C2orf76: variants seen among roughly 807,000 people sequenced by gnomAD.
C2orf76 encodes the protein UPF0538 protein C2orf76.
In C2orf76, 23 loss-of-function variants were observed where a neutral mutation model predicts 16.9. That is an observed-to-expected ratio of 1.36 (90% CI 0.98 to 1.93). The LOEUF is 1.93. Among genes scored for constraint, C2orf76 ranks in the 30% most tolerant of loss-of-function variants. C2orf76 has a pLI of 0.00. For synonymous variants in C2orf76, 48 were observed against 52.3 expected, an observed-to-expected ratio of 0.92 and a Z score of 0.35; for missense variants, 152 against 152.6, an observed-to-expected ratio of 1.00 and a Z score of 0.02.
intron 4 of C2orf76, among the ~76,000 whole-genome samples, chr2:119,316,440 C>A (rs1201323483): frequency 6.6e-6 from 1 of 152,234 alleles, no homozygotes; most frequent in Non-Finnish European, 1.5e-5. Context: ...GGACTTCTGA[C>A]CTCCAGAATT....
chr2:119,333,796 A>G (rs896012330), intron 2 of C2orf76, among the ~76,000 whole-genome samples: 1 of 152,250 alleles, frequency 6.6e-6, no homozygotes, highest in Admixed American at 6.5e-5. Context: ...ATTATGTAAC[A>G]TTCTGTAAGA....
chr2:119,289,346 C>T, the C2orf76 span, among the ~76,000 whole-genome samples: 5 of 152,064 alleles, frequency 3.3e-5, no homozygotes, highest in Non-Finnish European at 7.4e-5. Context: ...AACCAAGTCT[C>T]CTTGACATCT....
chr2:119,289,544 G>C, the C2orf76 span, among the ~76,000 whole-genome samples: 638 of 151,912 alleles, frequency 4.2e-3, 2 homozygotes, highest in African/African-American at 0.014. Flanking sequence ...AAATTAGCTG[G>C]GCGTGGTGGC....
chr2:119,326,270 T>C (rs932511400), intron 2 of C2orf76, among the ~76,000 whole-genome samples: 17 of 152,188 alleles, frequency 1.1e-4, no homozygotes, highest in Admixed American at 5.9e-4. Context: ...GAGGTAAGCA[T>C]TGAGGTTCAT....
chr2:119,294,940 G>A, the C2orf76 span, among the ~76,000 whole-genome samples: 1 of 152,258 alleles, frequency 6.6e-6, no homozygotes, highest in African/African-American at 2.4e-5. Flanking sequence ...CAGGGAGTGG[G>A]ATAGTGAGAA....
intron 4 of C2orf76, among the ~76,000 whole-genome samples, 169 bp from the exon 5 acceptor site, chr2:119,311,872 G>C (rs754515728): frequency 6.6e-6 from 1 of 152,096 alleles, no homozygotes; most frequent in African/African-American, 2.4e-5. Context: ...AGGTCCTGCC[G>C]AGCTCACGCA....
downstream of C2orf76, among the ~76,000 whole-genome samples, chr2:119,297,507 T>C (rs1198597311): frequency 6.6e-6 from 1 of 152,142 alleles, no homozygotes; most frequent in Non-Finnish European, 1.5e-5. Flanking sequence ...ATCTTCAGAA[T>C]TTTGTTGTTG....
Position 119,321,572 on chromosome 2 carries a change from G to C in C2orf76, c.134-368C>G, listed in dbSNP as rs569522992. ...GATCTCACGACACTTATTCACTACCGTAAGAACAGCATGGGAAAAACCCAC... is the reference window on the plus strand; with the variant it reads ...GATCTCACGACACTTATTCACTACCCTAAGAACAGCATGGGAAAAACCCAC... On this transcript the variant is annotated intron_variant, in intron 2 of 5. Transcript: ENST00000334816. Among the ~76,000 whole-genome samples, 7 of 152,142 alleles carry C rather than the reference G, an allele frequency of 4.6e-5. No homozygotes were observed. In the East Asian group the frequency reaches 1.3e-3, roughly 29 times the overall value.
At chr2:119,350,074 C>CCCA (rs1680341550) in intron 1 of C2orf76, among the ~76,000 whole-genome samples, 1 of 95,250 alleles carries the variant, frequency 1.0e-5, no homozygotes, top group African/African-American at 4.4e-5. Context: ...ACACCGCCCC[C>CCCA]CGCCCCCCCA....
At chr2:119,307,073 C>T (rs960060558) in intron 5 of C2orf76, among the ~76,000 whole-genome samples, 2 of 151,974 alleles carry the variant, frequency 1.3e-5, no homozygotes, top group South Asian at 2.1e-4. Flanking sequence ...GAGATGACTT[C>T]GAATTTTTCT....
intron 1 of C2orf76, among the ~76,000 whole-genome samples, chr2:119,355,428 C>A (rs1680540417): frequency 6.6e-6 from 1 of 152,204 alleles, no homozygotes; most frequent in Non-Finnish European, 1.5e-5. Context: ...ACATCTCACT[C>A]CAGGGTAAGG....
chr2:119,323,546 C>A (rs1336399856), intron 2 of C2orf76, among the ~76,000 whole-genome samples: 1 of 152,122 alleles, frequency 6.6e-6, no homozygotes, highest in Admixed American at 6.6e-5. Flanking sequence ...GTGGTCCTCA[C>A]CCCGGCTGCA....
chr2:119,290,990 C>T, the C2orf76 span, among the ~76,000 whole-genome samples: 1 of 152,032 alleles, frequency 6.6e-6, no homozygotes, highest in Non-Finnish European at 1.5e-5. Flanking sequence ...CTATTGAACA[C>T]AGTCCTTAAC....
downstream of C2orf76, among the ~76,000 whole-genome samples, chr2:119,298,304 C>T (rs1678569893): frequency 6.6e-6 from 1 of 152,050 alleles, no homozygotes. Context: ...TGAAGTAGGA[C>T]CCTTAACTGT....
chr2:119,300,655 C>T (rs1678603761), downstream of C2orf76, among the ~76,000 whole-genome samples: 1 of 152,192 alleles, frequency 6.6e-6, no homozygotes. Context: ...TACACCTAAC[C>T]TATCAAACAT....
rs544309530 is a variant in C2orf76, at chr2:119,317,108, C to T, written c.222+358G>A. Among the ~76,000 whole-genome samples, 4 of 152,194 alleles carry T rather than the reference C, an allele frequency of 2.6e-5. No homozygotes were observed. The East Asian group carries it at 7.7e-4, about 29-fold the overall frequency. ...TGCATCTGGCCCTTTTGTTCTGGTA[C>T]AGAATTAAGAAAATCAAAGACACTG... On this transcript the variant is annotated intron_variant, in intron 4 of 5. Transcript: ENST00000334816.
At chr2:119,339,178 C>A (rs1679945161) in intron 2 of C2orf76, 1 of 152,182 alleles carries the variant, frequency 6.6e-6, no homozygotes, top group South Asian at 2.1e-4. Flanking sequence ...AAGAAATCTG[C>A]AGATTGCACC....
chr2:119,347,938 G>A (rs1456635224), intron 1 of C2orf76, among the ~76,000 whole-genome samples: 1 of 151,394 alleles, frequency 6.6e-6, no homozygotes, highest in Non-Finnish European at 1.5e-5. Flanking sequence ...TACTTGGGAG[G>A]CTGAGGCAGA....
At chr2:119,341,489 T>C (rs541788911) in intron 1 of C2orf76, among the ~76,000 whole-genome samples, 2 of 152,234 alleles carry the variant, frequency 1.3e-5, no homozygotes, top group Admixed American at 6.5e-5. Flanking sequence ...ATACACAGTA[T>C]GGTTAACTTT....
Sources: gnomAD v4.1 joint callset for allele counts (sites outside exome capture counted in the v4.1 genomes callset) on GRCh38, gnomAD v4.1.1 for gene constraint, MANE v1.5 for transcripts, NCBI Gene and HGNC (gene_info 2026-07-23, HGNC 2026-07-21) for gene names.